Variants in RPS6KC1 observed in about 807,000 individuals in gnomAD.
The protein encoded by RPS6KC1 is inactive ribosomal protein S6 kinase delta-1.
RPS6KC1 carries 54 observed loss-of-function variants against 103.8 expected under a neutral mutation model. The ratio of observed to expected loss-of-function variants is 0.52; its 90% CI spans 0.42 to 0.65. The LOEUF (loss-of-function observed/expected upper bound fraction) is 0.65. Ranked by LOEUF, RPS6KC1 falls within the 30% of genes least tolerant of loss-of-function variation. The probability of loss-of-function intolerance (pLI) is 0.00; values close to 1 mark genes in which losing one functional copy is unlikely to be tolerated. For missense variants in RPS6KC1, 1,151 were observed against 1,253.8 expected, an observed-to-expected ratio of 0.92 and a Z score of 1.24; for synonymous variants, 439 against 438.7, an observed-to-expected ratio of 1.00 and a Z score of -0.01.
At chr1:213,156,090 G>A (rs2089855904) in intron 6 of RPS6KC1, among the ~76,000 whole-genome samples, 1 of 152,190 alleles carries the variant, frequency 6.6e-6, no homozygotes, top group Non-Finnish European at 1.5e-5. Flanking sequence ...ATGTTAGAAT[G>A]ATCAGGTAAG....
At chr1:213,269,609 ACAAT>A (rs1346851860) in intron 14 of RPS6KC1, among the ~76,000 whole-genome samples, 8 of 152,306 alleles carry the variant, frequency 5.3e-5, no homozygotes, top group Non-Finnish European at 8.8e-5. Context: ...AATAACCATA[ACAAT>A]CAAAGTAGAA....
the RPS6KC1 span, among the ~76,000 whole-genome samples, chr1:213,778,270 G>A: frequency 6.6e-6 from 1 of 152,172 alleles, no homozygotes. Flanking sequence ...TTCCCGGGTG[G>A]CTATTTTATT....
the RPS6KC1 span, among the ~76,000 whole-genome samples, chr1:213,745,893 C>T: frequency 2.6e-5 from 4 of 152,184 alleles, no homozygotes; most frequent in East Asian, 7.7e-4. Flanking sequence ...ATTAATCCTC[C>T]TCCTCTCCTG....
chr1:213,498,926 C>T, the RPS6KC1 span, among the ~76,000 whole-genome samples: 2 of 151,810 alleles, frequency 1.3e-5, no homozygotes, highest in Non-Finnish European at 2.9e-5. Context: ...ATTATAGGCA[C>T]CCACTGCCAC....
At chr1:213,337,861 G>A in the RPS6KC1 span, among the ~76,000 whole-genome samples, 153 of 152,304 alleles carry the variant, frequency 1.0e-3, 1 homozygote, top group African/African-American at 3.6e-3. Flanking sequence ...GGAGAGATAT[G>A]CAAGAAGCAA....
chr1:213,633,874 C>CAAAAAAAAA, the RPS6KC1 span, among the ~76,000 whole-genome samples: 3 of 8,278 alleles, frequency 3.6e-4, no homozygotes, highest in Admixed American at 1.4e-3. Context: ...AAATGGAAAG[C>CAAAAAAAAA]AAAAAAAAAA....
At chr1:213,244,652 A>G (rs1295562667) in intron 12 of RPS6KC1, among the ~76,000 whole-genome samples, 2 of 152,196 alleles carry the variant, frequency 1.3e-5, no homozygotes, top group African/African-American at 4.8e-5. Context: ...ACCATATTAC[A>G]TTCATCAACA....
At chr1:213,640,868 A>G in the RPS6KC1 span, among the ~76,000 whole-genome samples, 1 of 148,526 alleles carries the variant, frequency 6.7e-6, no homozygotes, top group African/African-American at 2.6e-5. Flanking sequence ...ACTGGTTTTT[A>G]TTAATAATTT....
the RPS6KC1 span, among the ~76,000 whole-genome samples, chr1:213,614,926 T>C: frequency 6.6e-6 from 1 of 152,322 alleles, no homozygotes; most frequent in Non-Finnish European, 1.5e-5. Context: ...CCTGGGCTGG[T>C]CTTGATCTCC....
intron 4 of RPS6KC1, among the ~76,000 whole-genome samples, chr1:213,110,713 C>T (rs2082937088): frequency 6.6e-6 from 1 of 152,138 alleles, no homozygotes; most frequent in Admixed American, 6.5e-5. Context: ...TCCTCTGTGC[C>T]TGTGCACTGT....
chr1:213,102,092 G>A (rs2082069367), intron 3 of RPS6KC1, among the ~76,000 whole-genome samples: 1 of 152,162 alleles, frequency 6.6e-6, no homozygotes, highest in African/African-American at 2.4e-5. Flanking sequence ...TTTGAACTGA[G>A]AACTAAGAAA....
At chr1:213,144,049 C>T (rs1404396770) in intron 6 of RPS6KC1, among the ~76,000 whole-genome samples, 1 of 151,954 alleles carries the variant, frequency 6.6e-6, no homozygotes, top group Non-Finnish European at 1.5e-5. Context: ...GGATTGGGCT[C>T]ATGTGAATAA....
chr1:213,774,440 A>T, the RPS6KC1 span, among the ~76,000 whole-genome samples: 1 of 152,200 alleles, frequency 6.6e-6, no homozygotes, highest in Admixed American at 6.5e-5. Context: ...AAGATCCAGA[A>T]CCTGGGGCCC....
chr1:213,585,881 C>T, the RPS6KC1 span, among the ~76,000 whole-genome samples: 8 of 152,076 alleles, frequency 5.3e-5, no homozygotes, highest in African/African-American at 1.9e-4. Context: ...AGATAAGGGC[C>T]CAGGAGCTGT....
chr1:213,122,644 G>T (rs2084526266), intron 5 of RPS6KC1, among the ~76,000 whole-genome samples: 1 of 152,074 alleles, frequency 6.6e-6, no homozygotes, highest in Non-Finnish European at 1.5e-5. Context: ...AAAATTAAGT[G>T]CAAATGTCCA....
chr1:213,797,913 T>G, the RPS6KC1 span, among the ~76,000 whole-genome samples: 1 of 152,232 alleles, frequency 6.6e-6, no homozygotes, highest in African/African-American at 2.4e-5. Context: ...TTGACTTTGT[T>G]GGAAAATCGA....
chr1:213,789,212 T>G, the RPS6KC1 span, among the ~76,000 whole-genome samples: 2 of 152,178 alleles, frequency 1.3e-5, no homozygotes, highest in East Asian at 3.8e-4. Context: ...CACCAACTAT[T>G]AATTATGTCT....
At chr1:213,675,903 A>C in the RPS6KC1 span, among the ~76,000 whole-genome samples, 1 of 152,046 alleles carries the variant, frequency 6.6e-6, no homozygotes, top group Non-Finnish European at 1.5e-5. Flanking sequence ...AAAAGTATAC[A>C]TCTAATATCA....
At chr1:213,292,918 A>G in the RPS6KC1 span, among the ~76,000 whole-genome samples, 1 of 152,110 alleles carries the variant, frequency 6.6e-6, no homozygotes, top group Non-Finnish European at 1.5e-5. Context: ...AATCAGGCAG[A>G]CCTCCTCTTT....
Sources: gnomAD v4.1 joint callset for allele counts (sites outside exome capture counted in the v4.1 genomes callset) on GRCh38, gnomAD v4.1.1 for gene constraint, MANE v1.5 for transcripts, NCBI Gene and HGNC (gene_info 2026-07-23, HGNC 2026-07-21) for gene names.